The following DDB1 variants were observed in gnomAD, a reference collection of about 807,000 sequenced individuals.
DDB1 encodes damage specific DNA binding protein 1.
A neutral mutation model predicts 133.1 loss-of-function variants in DDB1; 18 were observed. The observed-to-expected ratio is 0.14, with a 90% confidence interval of 0.09 to 0.20. DDB1 has a LOEUF of 0.20. DDB1 is among the 10% of genes least tolerant of loss of function. The pLI is 1.00. For synonymous variants in DDB1, 580 were observed against 550.5 expected, an observed-to-expected ratio of 1.05 and a Z score of -0.75; for missense variants, 828 against 1,459.2, an observed-to-expected ratio of 0.57 and a Z score of 7.05.
chr11:61,326,997 C>T lies in DDB1; in HGVS notation c.550-104G>A. On this transcript the variant is annotated intron_variant, in intron 4 of 26. Coordinates refer to ENST00000301764, the MANE Select transcript of DDB1 (RefSeq NM_001923.5). ...CACCACTACCCAGCATCTGACAGTC[C>T]TGTCATGTCAGCCCTCCCACCCTTA... The T allele has an allele frequency of 1.0e-5, 8 of 797,752 alleles. 1 individual carries two copies. The highest frequency in any genetic ancestry group is 5.6e-4 in the Middle Eastern group (2 of 3,574). The allele number at this position is 797,752 out of a possible 1,614,324, so 49.4% of individuals were successfully genotyped here.
Position 61,332,917 on chromosome 11 carries a change from A to G in DDB1, c.52T>C (p.Cys18Arg). ...GCCCCGGCAGCCTCACCGGTCACGC[A>G]GCCGTTCACGGCGGTGGGCTTCTGG... The part of the protein sequence containing the change: ...TAQKPTAVNG[C>R]VTGHFTSAED... The change falls in exon 1 of 27, where the codon TGC becomes CGC. Residue 18 changes from cysteine (C) to arginine (R), a missense_variant. Coordinates refer to ENST00000301764, the MANE Select transcript of DDB1 (RefSeq NM_001923.5). 6.7e-7 allele frequency: 1 copy of G among 1,497,156 alleles called. No individual in the cohort carries two copies. Among genetic ancestry groups the G allele is most frequent in the Non-Finnish European group, 9.0e-7 (1 of 1,114,966 alleles). The allele number at this position is 1,497,156 out of a possible 1,614,324, so 92.7% of individuals were successfully genotyped here. A position where few individuals can be genotyped will look rare whatever the true frequency, so the allele number is the denominator to read the frequency against.
chr11:61,314,284 G>A (rs374900896), intron 13 of DDB1, 24 bp downstream of exon 13: 126 of 1,598,670 alleles, frequency 7.9e-5, no homozygotes, highest in African/African-American at 7.7e-4. Context: ...GGAGGAAAGC[G>A]AGCAGACAGA....
At chr11:61,302,236 G>T in intron 25 of DDB1, 21 bp downstream of exon 25, 1 of 1,602,078 alleles carries the variant, frequency 6.2e-7, no homozygotes, top group Non-Finnish European at 8.6e-7. Context: ...CCCAGCAAGG[G>T]GATGGCTCTG....
chr11:61,311,451 A>AAAAC (rs377353968), intron 18 of DDB1: 4 of 256,076 alleles, frequency 1.6e-5, no homozygotes, highest in South Asian at 1.3e-4. Flanking sequence ...TCTTAAAAAA[A>AAAAC]AAACAAACAA....
intron 10 of DDB1, chr11:61,321,222 TAGGA>T (rs1856172292): frequency 6.4e-6 from 1 of 155,968 alleles, no homozygotes; most frequent in Non-Finnish European, 1.4e-5. Flanking sequence ...TCCTGGAATT[TAGGA>T]AGATTTATAT....
chr11:61,319,676 C>T (rs1297261846), intron 10 of DDB1, among the ~76,000 whole-genome samples: 3 of 152,130 alleles, frequency 2.0e-5, no homozygotes, highest in Admixed American at 6.5e-5. Context: ...GTGATCTGCC[C>T]GCCTCGGCCT....
At position 61,302,869 on chromosome 11, in the gene DDB1, A is replaced by C. The variant is rs1048139457; in HGVS notation, c.2943-118T>G. ...TCCCTGGGGAGCTGACATACTCCAC[A>C]GTAGGGGAGCCAGTCTAAAGAGGTG... On this transcript the variant is annotated intron_variant, in intron 23 of 26. Coordinates refer to ENST00000301764, the MANE Select transcript of DDB1 (RefSeq NM_001923.5). 2.2e-6 allele frequency: 3 copies of C among 1,388,242 alleles called. No homozygotes were observed. In the African/African-American group the frequency reaches 4.3e-5, roughly 20 times the overall value. 86.0% of individuals were successfully genotyped at this position (1,388,242 alleles called of 1,614,324 possible). A position where few individuals can be genotyped will look rare whatever the true frequency, so the allele number is the denominator to read the frequency against.
rs774006450 is a variant in DDB1, at chr11:61,303,943, G to A, written c.2754C>T (p.Gly918=). The part of the protein sequence containing the change: ...NIMALYLKTK[G]DFILVGDLMR... ...TAAGGTCGCCCACCAGGATGAAGTC[G>A]CCCTTGGTCTTCAGGTAGAGGGCCA... The change falls in exon 22 of 27, where the codon GGC becomes GGT. Residue 918 remains glycine (G), a synonymous_variant. Coordinates refer to ENST00000301764, the MANE Select transcript of DDB1 (RefSeq NM_001923.5). 37 of 1,613,894 alleles carry A rather than the reference G, an allele frequency of 2.3e-5. No individual in the cohort carries two copies. Among genetic ancestry groups the A allele is most frequent in the Non-Finnish European group, 3.0e-5 (35 of 1,180,026 alleles).
At chr11:61,319,972 T>C (rs1856151678) in intron 10 of DDB1, among the ~76,000 whole-genome samples, 1 of 151,940 alleles carries the variant, frequency 6.6e-6, no homozygotes. Context: ...TTTTGTTAAA[T>C]GTACTCCTTG....
chr11:61,303,026 C>A lies in DDB1; in HGVS notation c.2942+20G>T, dbSNP rs912044169. 6.2e-7 allele frequency: 1 copy of A among 1,608,354 alleles called. No individual in the cohort carries two copies. Among genetic ancestry groups the A allele is most frequent in the South Asian group, 1.1e-5 (1 of 90,892 alleles). Reference sequence around the variant, plus strand: ...AACTCCCAGCCCTCCCCACCACTCCCAGAGCTGGCCACTACTCACCTATCC... The same window carrying A: ...AACTCCCAGCCCTCCCCACCACTCCAAGAGCTGGCCACTACTCACCTATCC... On this transcript the variant is annotated intron_variant, in intron 23 of 26. Transcript: ENST00000301764.
chr11:61,322,676 A>T, intron 8 of DDB1: 1 of 544,204 alleles, frequency 1.8e-6, no homozygotes, highest in South Asian at 2.6e-5. Flanking sequence ...ATTAATGTAA[A>T]ATGTTTGCAT....
intron 16 of DDB1, among the ~76,000 whole-genome samples, chr11:61,313,149 C>T (rs1187345619): frequency 2.0e-5 from 3 of 152,188 alleles, no homozygotes; most frequent in Non-Finnish European, 4.4e-5. Context: ...CCAAGTAATG[C>T]TGTAGCTGCT....
At chr11:61,329,881 C>G in intron 3 of DDB1, 77 bp downstream of exon 3, 1 of 1,257,332 alleles carries the variant, frequency 8.0e-7, no homozygotes, top group South Asian at 1.3e-5. Context: ...AGAGCTGCCC[C>G]CAGCACTTTA....
In DDB1 at chr11:61,315,213, A is replaced by G. The variant is rs1488110257; in HGVS notation, c.1411-727T>C. On this transcript the variant is annotated intron_variant, in intron 12 of 26. Coordinates refer to ENST00000301764, the MANE Select transcript of DDB1 (RefSeq NM_001923.5). ...TCTTTACTGTGTATGAGCCATTTAA[A>G]TTATTTAAAGTTCCTTAGTAAAGAT... 3.3e-5 allele frequency: 5 copies of G among 152,224 alleles called. No homozygotes were observed. In the East Asian group the frequency reaches 9.6e-4, roughly 29 times the overall value. The allele number at this position is 152,224 out of a possible 1,614,324, so 9.4% of individuals were successfully genotyped here. A position where few individuals can be genotyped will look rare whatever the true frequency, so the allele number is the denominator to read the frequency against.
intron 1 of DDB1, 130 bp downstream of exon 1, chr11:61,332,778 C>T: frequency 1.2e-6 from 1 of 801,430 alleles, no homozygotes; most frequent in Non-Finnish European, 1.8e-6. Context: ...GGGGAGGTTC[C>T]TCGGCCGCCA....
chr11:61,321,889 C>T (rs1465837493), intron 9 of DDB1, 192 bp from the exon 10 acceptor site: 1 of 586,794 alleles, frequency 1.7e-6, no homozygotes, highest in Non-Finnish European at 3.0e-6. Flanking sequence ...ACATCCTAGT[C>T]CAGGAAGCAA....
In DDB1 at chr11:61,323,032, C is replaced by T. The variant is rs1410335130; in HGVS notation, c.984G>A (p.Leu328=). The part of the protein sequence containing the change: ...DNGVVFVGSR[L]GDSQLVKLNV... ...TCACCTTCACAAGCTGGGAGTCACC[C>T]AGGCGAGACCCGACAAACACAACAC... is the stretch of plus-strand genomic sequence containing the variant. Residue 328 remains leucine (L), a synonymous_variant, in exon 8 of 27, where the codon CTG becomes CTA. Transcript: ENST00000301764. 1 of 1,613,908 alleles carries T rather than the reference C, an allele frequency of 6.2e-7. No homozygotes were observed. Among genetic ancestry groups the T allele is most frequent in the Admixed American group, 1.7e-5 (1 of 59,970 alleles).
chr11:61,332,733 C>CGTACAG (rs1856419727), intron 1 of DDB1, 175 bp downstream of exon 1: 1 of 489,734 alleles, frequency 2.0e-6, no homozygotes. Flanking sequence ...CCAAAAAGCG[C>CGTACAG]GTACAGGGAC....
intron 10 of DDB1, among the ~76,000 whole-genome samples, chr11:61,320,043 T>C (rs1186025930): frequency 6.6e-6 from 1 of 152,214 alleles, no homozygotes; most frequent in East Asian, 1.9e-4. Flanking sequence ...GCTTTCTAAT[T>C]GACTGTGTTT....
Sources: allele counts gnomAD v4.1 joint callset (sites outside exome capture counted in the v4.1 genomes callset), GRCh38; gene constraint gnomAD v4.1.1; transcripts MANE v1.5; gene names NCBI Gene and HGNC (gene_info 2026-07-23, HGNC 2026-07-21).